The following MSN variants were observed in gnomAD, a reference collection of about 807,000 sequenced individuals.
MSN encodes the protein epididymis luminal protein 70.
In MSN, 2 loss-of-function variants were observed where a neutral mutation model predicts 48.0. The observed-to-expected ratio is 0.04, with a 90% CI of 0.02 to 0.13. MSN has a LOEUF of 0.13. Ranked by LOEUF, MSN falls within the 10% of genes least tolerant of loss-of-function variation. The probability of loss-of-function intolerance (pLI) is 1.00; values close to 1 mark genes in which losing one functional copy is unlikely to be tolerated. For synonymous variants in MSN, 146 were observed against 166.9 expected (o/e 0.87, Z 0.97); for missense variants, 267 against 470.1 (o/e 0.57, Z 3.99).
upstream of MSN, among the ~76,000 whole-genome samples, chrX:65,666,886 C>T (rs1187309544): frequency 1.8e-5 from 2 of 111,283 alleles, no homozygotes; most frequent in Non-Finnish European, 3.8e-5. Flanking sequence ...CTAGGGAGGT[C>T]ACATCTAACC....
intron 2 of MSN, among the ~76,000 whole-genome samples, chrX:65,723,648 T>C (rs1382613364): frequency 8.9e-6 from 1 of 111,878 alleles, no homozygotes; most frequent in Non-Finnish European, 1.9e-5. Context: ...TTCTCTTTCC[T>C]CTGGAATGGA....
intron 1 of MSN, among the ~76,000 whole-genome samples, chrX:65,691,003 C>A (rs2071166554): frequency 9.0e-6 from 1 of 111,257 alleles, no homozygotes; most frequent in African/African-American, 3.3e-5. Context: ...TGGGAAGGTG[C>A]TTAATGGAGA....
At chrX:65,646,668 G>A (rs746545837) in intron 1 of MSN, among the ~76,000 whole-genome samples, 1 of 112,139 alleles carries the variant, frequency 8.9e-6, no homozygotes, top group East Asian at 2.8e-4. Flanking sequence ...TAGTATGGCC[G>A]GGCGTGGTGG....
intron 1 of MSN, among the ~76,000 whole-genome samples, chrX:65,597,064 A>G (rs1344961785): frequency 9.0e-6 from 1 of 111,487 alleles, no homozygotes; most frequent in Non-Finnish European, 1.9e-5. Context: ...TTATACATTT[A>G]TTTGAGACAG....
chrX:65,599,130 T>TA (rs752852353), intron 1 of MSN, among the ~76,000 whole-genome samples: 383 of 93,681 alleles, frequency 4.1e-3, no homozygotes, highest in African/African-American at 0.011. Context: ...TACTAAAAAT[T>TA]AAAAAAAAAA....
At chrX:65,712,984 C>T (rs1040120191) in intron 1 of MSN, among the ~76,000 whole-genome samples, 2 of 111,124 alleles carry the variant, frequency 1.8e-5, no homozygotes, top group Non-Finnish European at 3.8e-5. Flanking sequence ...AGACAAATAC[C>T]TATTTCTTTA....
At chrX:65,733,575 G>A (rs1439437343) in intron 7 of MSN, among the ~76,000 whole-genome samples, 1 of 112,367 alleles carries the variant, frequency 8.9e-6, no homozygotes, top group Non-Finnish European at 1.9e-5. Flanking sequence ...TGCCTCTGCT[G>A]CCCTGAGGTT....
rs2070249618 is a variant in MSN at position 65,602,971 on chromosome X, G to A, written c.-22+14359G>A. Among the ~76,000 whole-genome samples, 3 of 111,385 alleles carry A rather than the reference G, an allele frequency of 2.7e-5. No homozygotes were observed. The South Asian group carries it at 1.1e-3, about 42-fold the overall frequency. On this transcript the variant is annotated intron_variant, in intron 1 of 3. Transcript: ENST00000609672. The stretch of plus-strand genomic sequence containing the variant: ...GATTACCCCTACTGAGGCCAGGGAG[G>A]GGAAACAACGTGCTCAAGGTTACAC...
chrX:65,718,970 T>G (rs1022527545), intron 2 of MSN, among the ~76,000 whole-genome samples: 3 of 112,005 alleles, frequency 2.7e-5, no homozygotes, highest in African/African-American at 9.8e-5. Context: ...AATGGCAAAG[T>G]GTAATCATTG....
At chrX:65,596,613 T>A (rs1433357959) in intron 1 of MSN, among the ~76,000 whole-genome samples, 3 of 107,367 alleles carry the variant, frequency 2.8e-5, no homozygotes, top group Admixed American at 2.0e-4. Context: ...TTTTTTTTTT[T>A]ATTTCAGCTT....
intron 1 of MSN, among the ~76,000 whole-genome samples, chrX:65,649,588 AAT>A (rs34716365): frequency 5.4e-4 from 51 of 93,743 alleles, no homozygotes; most frequent in Admixed American, 9.8e-4. Context: ...AAAAAAAAAA[AAT>A]ATATATATAT....
chrX:65,729,690 G>A lies in MSN; in HGVS notation c.445G>A (p.Gly149Arg), dbSNP rs757131925. Residue 149 changes from glycine to arginine, a missense_variant, in exon 4 of 13, where the codon GGA becomes AGA. By Grantham distance (125) the Gly-to-Arg change is moderately radical. This residue lies in a region of MSN where 89 missense variants were observed against 151.0 expected (regional missense o/e 0.59). Transcript: ENST00000360270. Reference protein sequence around the residue: ...KEVHKSGYLAGDKLLPQRVLE... With the variant: ...KEVHKSGYLARDKLLPQRVLE... ...AGTGCATAAGTCTGGCTACCTGGCC[G>A]GAGACAAGTTGCTCCCGCAGAGGTG... 8 of 1,209,107 alleles carry A rather than the reference G, an allele frequency of 6.6e-6. No homozygotes were observed. Among genetic ancestry groups the A allele is most frequent in the Admixed American group, 6.6e-5 (3 of 45,786 alleles).
At chrX:65,738,499 C>G in intron 10 of MSN, 26 bp from the exon 11 acceptor site, 1 of 1,187,268 alleles carries the variant, frequency 8.4e-7, no homozygotes, top group Non-Finnish European at 1.1e-6. Flanking sequence ...AGGCCCAGCT[C>G]TCACAGGCTT....
intron 1 of MSN, among the ~76,000 whole-genome samples, chrX:65,690,070 A>G (rs2071158077): frequency 9.0e-6 from 1 of 111,365 alleles, no homozygotes; most frequent in Non-Finnish European, 1.9e-5. Flanking sequence ...TGCCTGTGTA[A>G]TTGATCTTGA....
At chrX:65,700,046 C>T (rs1046119940) in intron 1 of MSN, among the ~76,000 whole-genome samples, 6 of 111,595 alleles carry the variant, frequency 5.4e-5, no homozygotes, top group African/African-American at 1.3e-4. Context: ...GAGCACTGTG[C>T]GCATGGGGCT....
intron 1 of MSN, among the ~76,000 whole-genome samples, chrX:65,681,208 G>T (rs1457447427): frequency 9.0e-6 from 1 of 111,704 alleles, no homozygotes; most frequent in African/African-American, 3.3e-5. Flanking sequence ...CTCCCAGATA[G>T]TATTGTACTA....
At chrX:65,645,931 T>C (rs2070691954) in intron 1 of MSN, among the ~76,000 whole-genome samples, 1 of 112,238 alleles carries the variant, frequency 8.9e-6, no homozygotes, top group African/African-American at 3.2e-5. Context: ...ATAGGTCTAG[T>C]ATCCCTAATC....
chrX:65,699,241 GTAAATATCCGAAGTT>G (rs2071276203), intron 1 of MSN, among the ~76,000 whole-genome samples: 1 of 112,063 alleles, frequency 8.9e-6, no homozygotes, highest in African/African-American at 3.2e-5. Flanking sequence ...ACAGGGGGAA[GTAAATATCCGAAGTT>G]TACTGGGATT....
chrX:65,666,521 G>T (rs2070872198), upstream of MSN, among the ~76,000 whole-genome samples: 1 of 110,483 alleles, frequency 9.1e-6, no homozygotes, highest in Non-Finnish European at 1.9e-5. Context: ...GTTTCACCAT[G>T]TTGGCCAGGC....
Sources: allele counts gnomAD v4.1 joint callset (sites outside exome capture counted in the v4.1 genomes callset), GRCh38; gene constraint gnomAD v4.1.1; regional missense constraint gnomAD v4.1.1; transcripts MANE v1.5; gene names NCBI Gene and HGNC (gene_info 2026-07-23, HGNC 2026-07-21).